KDM3A: variants seen among roughly 807,000 people sequenced by gnomAD.
KDM3A encodes the protein lysine-specific demethylase 3A.
In KDM3A, 60 loss-of-function variants were observed where a neutral mutation model predicts 158.0. That is an observed-to-expected ratio of 0.38 (90% confidence interval 0.31 to 0.47). The LOEUF is 0.47. Among genes scored for constraint, KDM3A ranks in the 20% least tolerant of loss-of-function variants. The pLI is 0.99. For synonymous variants in KDM3A, 608 were observed against 549.3 expected, an observed-to-expected ratio of 1.11 and a Z score of -1.49; for missense variants, 1,319 against 1,574.3, an observed-to-expected ratio of 0.84 and a Z score of 2.74.
chr2:86,489,252 G>T, intron 21 of KDM3A, 66 bp from the exon 22 acceptor site: 1 of 1,552,934 alleles, frequency 6.4e-7, no homozygotes, highest in Non-Finnish European at 8.7e-7. Context: ...CCCCCAGGTA[G>T]GTAGTGGAAA....
chr2:86,471,737 G>C (rs146921281), intron 11 of KDM3A, among the ~76,000 whole-genome samples: 1 of 152,162 alleles, frequency 6.6e-6, no homozygotes, highest in Non-Finnish European at 1.5e-5. Flanking sequence ...TTAGGTACTA[G>C]TTTGCCCCAT....
At chr2:86,467,001 C>A in intron 10 of KDM3A, 118 bp downstream of exon 10, 1 of 858,720 alleles carries the variant, frequency 1.2e-6, no homozygotes, top group Non-Finnish European at 1.7e-6. Context: ...TTTATACAGT[C>A]AGAAAAGTTG....
chr2:86,482,032 C>T lies in KDM3A; in HGVS notation c.2615C>T (p.Thr872Ile). The T allele has an allele frequency of 2.5e-6, 4 of 1,614,142 alleles. No individual in the cohort carries two copies. Among genetic ancestry groups the T allele is most frequent in the Non-Finnish European group, 3.4e-6 (4 of 1,180,002 alleles). The change falls in exon 17 of 26, where the codon ACA becomes ATA. Residue 872 changes from threonine to isoleucine, a missense_variant. Transcript: ENST00000312912. ...SSTVLHTFNS[T>I]ILTPVSNNNS... is the part of the protein sequence containing the mutation. ...ACAGTCCTCCATACGTTTAACAGCA[C>T]AATTTTGACACCCGTAAGCAACAAC... is the stretch of plus-strand genomic sequence containing the variant.
At chr2:86,450,706 A>T (rs147246984) in intron 3 of KDM3A, among the ~76,000 whole-genome samples, 1 of 152,132 alleles carries the variant, frequency 6.6e-6, no homozygotes, top group Non-Finnish European at 1.5e-5. Context: ...AAGAGCTGCT[A>T]TGGAGATTCT....
chr2:86,444,110 T>G (rs1005622858), intron 2 of KDM3A, among the ~76,000 whole-genome samples: 2 of 152,224 alleles, frequency 1.3e-5, no homozygotes, highest in Non-Finnish European at 2.9e-5. Flanking sequence ...TGTATATATT[T>G]TTTAAATCTC....
chr2:86,448,306 T>C (rs893335254), intron 2 of KDM3A, among the ~76,000 whole-genome samples: 1 of 152,178 alleles, frequency 6.6e-6, no homozygotes. Flanking sequence ...TTGGGGCTAA[T>C]GTGGGAATTT....
intron 8 of KDM3A, among the ~76,000 whole-genome samples, chr2:86,462,668 C>G (rs987429248): frequency 6.6e-6 from 1 of 152,060 alleles, no homozygotes; most frequent in Non-Finnish European, 1.5e-5. Context: ...AAAACTTTGC[C>G]AGTGATTAAA....
chr2:86,471,295 ATGTG>A (rs972373826), intron 11 of KDM3A, among the ~76,000 whole-genome samples: 2 of 151,234 alleles, frequency 1.3e-5, no homozygotes, highest in African/African-American at 2.4e-5. Context: ...ATATGTATAT[ATGTG>A]TGTATGTGTA....
In KDM3A at chr2:86,480,334, C is replaced by T. The variant is rs765327812; in HGVS notation, c.2484C>T (p.Thr828=). 6.2e-7 allele frequency: 1 copy of T among 1,613,126 alleles called. No homozygotes were observed. ...CTCTAAACTGGCTGGCCGACCTAACCAGCGGGAATGTCAACAAGGAAAACA... is the reference window on the plus strand; with the variant it reads ...CTCTAAACTGGCTGGCCGACCTAACTAGCGGGAATGTCAACAAGGAAAACA... ...TSPLNWLADL[T]SGNVNKENKE... Residue 828 remains threonine (T), a synonymous_variant, in exon 16 of 26, where the codon ACC becomes ACT. Coordinates refer to ENST00000312912, the MANE Select transcript of KDM3A (RefSeq NM_018433.6).
intron 2 of KDM3A, chr2:86,443,673 G>T (rs1682838003): frequency 6.6e-6 from 1 of 152,212 alleles, no homozygotes; most frequent in Non-Finnish European, 1.5e-5. Context: ...TCCAGAAGCT[G>T]CCCTCTTAAC....
intron 11 of KDM3A, 45 bp from the exon 12 acceptor site, chr2:86,474,731 G>GTA (rs1573190057): frequency 3.5e-6 from 3 of 866,260 alleles, no homozygotes; most frequent in East Asian, 4.9e-5. Flanking sequence ...GTGTGTGTGT[G>GTA]TGTGTGTGTG....
chr2:86,456,536 A>G lies in KDM3A; in HGVS notation c.651A>G (p.Ala217=), dbSNP rs1672705193. 1.2e-6 allele frequency: 2 copies of G among 1,610,056 alleles called. No individual in the cohort carries two copies. Among genetic ancestry groups the G allele is most frequent in the Non-Finnish European group, 1.7e-6 (2 of 1,178,164 alleles). Residue 217 remains alanine (A), a synonymous_variant, in exon 6 of 26, where the codon GCA becomes GCG. Transcript: ENST00000312912. ...FSATVINGNP[A]SKTLQVNCEE... Reference sequence around the variant, plus strand: ...CAACCGTTATAAATGGAAACCCAGCATCAAAAACTCTTCAAGTCAACTGTG... The same window carrying G: ...CAACCGTTATAAATGGAAACCCAGCGTCAAAAACTCTTCAAGTCAACTGTG...
chr2:86,439,512 AAATAATG>A (rs1682567277), upstream of KDM3A, among the ~76,000 whole-genome samples: 1 of 152,086 alleles, frequency 6.6e-6, no homozygotes, highest in African/African-American at 2.4e-5. Context: ...CTAAGCTCTG[AAATAATG>A]AATTCAACAT....
chr2:86,448,288 G>A (rs1683035928), intron 2 of KDM3A, among the ~76,000 whole-genome samples: 1 of 152,170 alleles, frequency 6.6e-6, no homozygotes, highest in African/African-American at 2.4e-5. Flanking sequence ...ACTGGAGAAG[G>A]TTTGGGATTG....
chr2:86,455,518 AGCC>A (rs1672652501), intron 5 of KDM3A, among the ~76,000 whole-genome samples: 1 of 152,050 alleles, frequency 6.6e-6, no homozygotes, highest in Admixed American at 6.6e-5. Context: ...GCCAAGTGTG[AGCC>A]ATCACGCCGG....
intron 11 of KDM3A, among the ~76,000 whole-genome samples, chr2:86,473,040 T>C (rs192490204): frequency 3.9e-4 from 60 of 152,336 alleles, no homozygotes; most frequent in African/African-American, 1.4e-3. Context: ...CCTCCTCTGC[T>C]CTTATAAGAA....
chr2:86,440,594 C>T (rs1438876841), upstream of KDM3A: 1 of 152,208 alleles, frequency 6.6e-6, no homozygotes, highest in Non-Finnish European at 1.5e-5. Flanking sequence ...AAAAAAAAAT[C>T]TCATTATACA....
In KDM3A at chr2:86,489,564, A is replaced by G. The variant is rs930756744; in HGVS notation, c.3478A>G (p.Ile1160Val). 1 of 1,613,928 alleles carries G rather than the reference A, an allele frequency of 6.2e-7. No individual in the cohort carries two copies. The highest frequency in any genetic ancestry group is 1.7e-5 in the Admixed American group (1 of 59,980). ...IQDGDSDELT[I>V]KRFIEGKEKP... Reference sequence around the variant, plus strand: ...AGATGGAGATTCTGACGAACTCACAATAAAGCGATTTATTGAAGGAAAAGA... The same window carrying G: ...AGATGGAGATTCTGACGAACTCACAGTAAAGCGATTTATTGAAGGAAAAGA... The change falls in exon 23 of 26, where the codon ATA becomes GTA. Residue 1160 changes from isoleucine to valine, a missense_variant. This residue lies in a region of KDM3A where 186 missense variants were observed against 340.9 expected (regional missense o/e 0.55). Coordinates refer to ENST00000312912, the MANE Select transcript of KDM3A (RefSeq NM_018433.6).
chr2:86,443,517 T>TTA (rs540901385), intron 2 of KDM3A: 189 of 152,344 alleles, frequency 1.2e-3, no homozygotes, highest in African/African-American at 4.3e-3. Context: ...CGTTTAATCC[T>TTA]TACAGCAGTT....
Sources: allele counts gnomAD v4.1 joint callset (sites outside exome capture counted in the v4.1 genomes callset), GRCh38; gene constraint gnomAD v4.1.1; regional missense constraint gnomAD v4.1.1; transcripts MANE v1.5; gene names NCBI Gene and HGNC (gene_info 2026-07-23, HGNC 2026-07-21).